Variants in ALK observed in about 807,000 individuals in gnomAD.
ALK encodes the protein ALK tyrosine kinase receptor.
A neutral mutation model predicts 163.1 loss-of-function variants in ALK; 74 were observed. That is an observed-to-expected ratio of 0.45 (90% confidence interval 0.38 to 0.55). The LOEUF is 0.55. Ranked by LOEUF, ALK falls within the 20% of genes least tolerant of loss-of-function variation. The pLI is 0.00. For missense variants in ALK, 2,063 were observed against 2,105.3 expected (o/e 0.98, Z 0.39); for synonymous variants, 960 against 843.2 (o/e 1.14, Z -2.40).
At chr2:29,207,482 A>G (rs1388794832) in intron 25 of ALK, among the ~76,000 whole-genome samples, 1 of 152,190 alleles carries the variant, frequency 6.6e-6, no homozygotes, top group Non-Finnish European at 1.5e-5. Context: ...GACAAAACAA[A>G]CCACGAGAGG....
At chr2:29,759,850 T>A (rs980816464) in intron 1 of ALK, among the ~76,000 whole-genome samples, 1 of 152,220 alleles carries the variant, frequency 6.6e-6, no homozygotes. Flanking sequence ...GCATACATGA[T>A]GTCCACTGCT....
chr2:29,334,576 G>T (rs1667552891), intron 5 of ALK, among the ~76,000 whole-genome samples: 1 of 152,336 alleles, frequency 6.6e-6, no homozygotes, highest in African/African-American at 2.4e-5. Flanking sequence ...GACAAAGGAG[G>T]AGGTCCAGGA....
intron 1 of ALK, among the ~76,000 whole-genome samples, chr2:29,787,297 G>T (rs970683383): frequency 6.6e-6 from 1 of 152,188 alleles, no homozygotes; most frequent in African/African-American, 2.4e-5. Flanking sequence ...GAGACACAGT[G>T]CTGGGTGCTG....
At chr2:29,911,532 G>A (rs1191295714) in intron 1 of ALK, among the ~76,000 whole-genome samples, 1 of 152,172 alleles carries the variant, frequency 6.6e-6, no homozygotes, top group East Asian at 1.9e-4. Flanking sequence ...ATACAGGTAG[G>A]TAAAACTCTA....
chr2:29,747,696 C>T (rs1173557108), intron 1 of ALK, among the ~76,000 whole-genome samples: 1 of 152,206 alleles, frequency 6.6e-6, no homozygotes, highest in Non-Finnish European at 1.5e-5. Context: ...AATCATTTTC[C>T]TCCCAGAAAT....
At chr2:29,874,444 A>G (rs917832294) in intron 1 of ALK, among the ~76,000 whole-genome samples, 1 of 152,202 alleles carries the variant, frequency 6.6e-6, no homozygotes, top group African/African-American at 2.4e-5. Flanking sequence ...CTCAGACAAC[A>G]TGAAAATTTG....
At chr2:29,504,549 G>GT (rs949154428) in intron 4 of ALK, among the ~76,000 whole-genome samples, 23 of 152,106 alleles carry the variant, frequency 1.5e-4, no homozygotes, top group African/African-American at 5.3e-4. Context: ...GGGCAAGTGG[G>GT]TAAGTGTATA....
At position 29,328,458 on chromosome 2, in the gene ALK, C is replaced by G. The variant is rs745772939; in HGVS notation, c.1306G>C (p.Ala436Pro). ...SEGTSPGSKM[A>P]LQSSFTCWNG... is the part of the protein sequence containing the mutation. ...CAACAAGTGAAGGAGCTCTGCAGGGCCATCTTGGAGCCTGGGGATGTTCCT... is the reference window on the plus strand; with the variant it reads ...CAACAAGTGAAGGAGCTCTGCAGGGGCATCTTGGAGCCTGGGGATGTTCCT... The change falls in exon 6 of 29, where the codon GCC becomes CCC. Residue 436 changes from alanine to proline, a missense_variant. Physicochemically the swap from Ala to Pro is conservative, Grantham distance 27. Transcript: ENST00000389048. The G allele has an allele frequency of 4.3e-6, 7 of 1,614,068 alleles. No homozygotes were observed. Among genetic ancestry groups the G allele is most frequent in the Non-Finnish European group, 5.9e-6 (7 of 1,180,022 alleles).
chr2:29,658,748 A>G (rs746500190), intron 3 of ALK, among the ~76,000 whole-genome samples: 10 of 152,190 alleles, frequency 6.6e-5, no homozygotes, highest in Non-Finnish European at 1.5e-4. Context: ...AAGTGATACA[A>G]ATTTTCTGAA....
intron 1 of ALK, among the ~76,000 whole-genome samples, chr2:29,811,239 C>A (rs1209123758): frequency 6.6e-6 from 1 of 151,992 alleles, no homozygotes; most frequent in African/African-American, 2.4e-5. Flanking sequence ...CTGACTCCCC[C>A]CCTTTGAAAC....
chr2:29,673,851 C>T (rs948612322), intron 3 of ALK, among the ~76,000 whole-genome samples: 1 of 151,278 alleles, frequency 6.6e-6, no homozygotes, highest in African/African-American at 2.4e-5. Context: ...TCTTTTATTT[C>T]CTTGAGCAGT....
chr2:29,269,176 G>C (rs763748711), intron 11 of ALK, among the ~76,000 whole-genome samples: 1 of 152,216 alleles, frequency 6.6e-6, no homozygotes, highest in South Asian at 2.1e-4. Flanking sequence ...CACTGAATGA[G>C]CTTAGTGACT....
At chr2:29,353,558 A>G (rs1034728220) in intron 5 of ALK, among the ~76,000 whole-genome samples, 3 of 152,172 alleles carry the variant, frequency 2.0e-5, no homozygotes, top group Non-Finnish European at 2.9e-5. Context: ...AGCAGAGGGC[A>G]GGGAATTTAC....
Position 29,809,929 on chromosome 2 carries a change from C to T in ALK, c.668-92232G>A, listed in dbSNP as rs183752745. 2.2e-3 allele frequency among the ~76,000 whole-genome samples: 339 copies of T among 152,236 alleles called. 2 individuals carry two copies. Among genetic ancestry groups the T allele is most frequent in the African/African-American group, 7.3e-3 (304 of 41,532 alleles). ...ATTTGCCTATGGCTTTAGAATCTTCCCAAGTCAGACTTGAAGAGTTTGACA... is the reference window on the plus strand; with the variant it reads ...ATTTGCCTATGGCTTTAGAATCTTCTCAAGTCAGACTTGAAGAGTTTGACA... On this transcript the variant is annotated intron_variant, in intron 1 of 28. Coordinates refer to ENST00000389048, the MANE Select transcript of ALK (RefSeq NM_004304.5).
chr2:29,457,488 G>A (rs938613734), intron 4 of ALK, among the ~76,000 whole-genome samples: 1 of 152,102 alleles, frequency 6.6e-6, no homozygotes, highest in Non-Finnish European at 1.5e-5. Context: ...GTATGGACAG[G>A]TTTCCATCTG....
chr2:29,408,850 G>C (rs1342455061), intron 4 of ALK, among the ~76,000 whole-genome samples: 1 of 152,182 alleles, frequency 6.6e-6, no homozygotes, highest in Non-Finnish European at 1.5e-5. Context: ...AGGTCACCAG[G>C]CTTGAGAATG....
intron 1 of ALK, among the ~76,000 whole-genome samples, chr2:29,918,249 T>C (rs1218045233): frequency 6.6e-6 from 1 of 152,222 alleles, no homozygotes; most frequent in African/African-American, 2.4e-5. Flanking sequence ...TGCTGGATTC[T>C]ATGGTCATTT....
chr2:29,875,201 T>C (rs768621051), intron 1 of ALK, among the ~76,000 whole-genome samples: 15 of 152,176 alleles, frequency 9.9e-5, no homozygotes, highest in Non-Finnish European at 2.1e-4. Flanking sequence ...AGAATGAAAT[T>C]CTGATACATG....
At chr2:29,212,510 GA>G (rs1280201435) in intron 24 of ALK, among the ~76,000 whole-genome samples, 1 of 152,202 alleles carries the variant, frequency 6.6e-6, no homozygotes, top group Non-Finnish European at 1.5e-5. Context: ...GAAAGGGTTA[GA>G]AGCTGGAGGG....
Sources: gnomAD v4.1 joint callset for allele counts (sites outside exome capture counted in the v4.1 genomes callset) on GRCh38, gnomAD v4.1.1 for gene constraint, MANE v1.5 for transcripts, NCBI Gene and HGNC (gene_info 2026-07-23, HGNC 2026-07-21) for gene names.